PARD3B: variants seen among roughly 807,000 people sequenced by gnomAD.
PARD3B encodes par-3 family cell polarity regulator beta.
Under a neutral mutation model 130.2 loss-of-function variants are expected in PARD3B, and 103 were observed. That is an observed-to-expected ratio of 0.79 (90% CI 0.67 to 0.93). PARD3B has a LOEUF of 0.93. Among genes scored for constraint, PARD3B ranks in the 40% least tolerant of loss-of-function variants. The pLI is 0.00. For synonymous variants in PARD3B, 583 were observed against 553.2 expected, an observed-to-expected ratio of 1.05 and a Z score of -0.76; for missense variants, 1,609 against 1,499.2, an observed-to-expected ratio of 1.07 and a Z score of -1.21.
At chr2:205,448,054 A>G (rs2106185212) in intron 20 of PARD3B, among the ~76,000 whole-genome samples, 1 of 152,344 alleles carries the variant, frequency 6.6e-6, no homozygotes, top group African/African-American at 2.4e-5. Context: ...CACTGGCCTT[A>G]AGAAGGATGT....
At chr2:204,590,018 A>G (rs1419309035) in intron 1 of PARD3B, among the ~76,000 whole-genome samples, 1 of 152,200 alleles carries the variant, frequency 6.6e-6, no homozygotes, top group African/African-American at 2.4e-5. Context: ...TGAAATGGGA[A>G]GGATAATGGG....
intron 1 of PARD3B, among the ~76,000 whole-genome samples, chr2:204,681,675 C>A (rs537642455): frequency 6.6e-6 from 1 of 152,254 alleles, no homozygotes; most frequent in South Asian, 2.1e-4. Context: ...CCCTGCACTG[C>A]TCTGTGGCTG....
intron 19 of PARD3B, among the ~76,000 whole-genome samples, chr2:205,429,989 G>A (rs191363854): frequency 2.9e-4 from 44 of 152,190 alleles, no homozygotes; most frequent in African/African-American, 7.7e-4. Context: ...CTTCTCTTCC[G>A]TTTATGTCTT....
chr2:204,927,943 A>G (rs1176212014), intron 2 of PARD3B, among the ~76,000 whole-genome samples: 2 of 152,184 alleles, frequency 1.3e-5, no homozygotes, highest in Admixed American at 1.3e-4. Context: ...GCATCTATCA[A>G]TTATTACTAC....
intron 18 of PARD3B, among the ~76,000 whole-genome samples, chr2:205,304,175 A>G (rs1029452772): frequency 1.3e-5 from 2 of 152,186 alleles, no homozygotes; most frequent in Non-Finnish European, 2.9e-5. Flanking sequence ...CCTTCCCGTT[A>G]CATTTCCAGT....
At chr2:205,022,646 T>C (rs1342005376) in intron 3 of PARD3B, among the ~76,000 whole-genome samples, 1 of 152,226 alleles carries the variant, frequency 6.6e-6, no homozygotes, top group African/African-American at 2.4e-5. Context: ...CAGACCATGC[T>C]AACTTCAAGC....
chr2:205,163,427 T>C (rs1000081811), intron 11 of PARD3B, among the ~76,000 whole-genome samples: 1 of 152,216 alleles, frequency 6.6e-6, no homozygotes, highest in Non-Finnish European at 1.5e-5. Flanking sequence ...ATGTATGCAC[T>C]CAGAATATGA....
At chr2:205,401,731 T>G (rs1293831802) in intron 19 of PARD3B, among the ~76,000 whole-genome samples, 1 of 152,220 alleles carries the variant, frequency 6.6e-6, no homozygotes, top group Non-Finnish European at 1.5e-5. Context: ...CACGTATCTT[T>G]GATGTTAACT....
intron 18 of PARD3B, among the ~76,000 whole-genome samples, chr2:205,318,966 A>G (rs1207440): frequency 0.91 from 138,471 of 152,200 alleles, 63,182 homozygotes; most frequent in Admixed American, 0.94. Context: ...CAAGAACCAC[A>G]TCTTACCATT....
intron 4 of PARD3B, among the ~76,000 whole-genome samples, chr2:205,054,422 ATATATATATATATATTT>A (rs1168380367): frequency 2.7e-3 from 52 of 19,600 alleles, no homozygotes; most frequent in African/African-American, 9.1e-3. Context: ...ATATATATAT[ATATATATATATATATTT>A]TTTTTTTTTT....
intron 21 of PARD3B, among the ~76,000 whole-genome samples, chr2:205,502,273 G>T (rs181220850): frequency 6.6e-6 from 1 of 152,040 alleles, no homozygotes; most frequent in Admixed American, 6.6e-5. Flanking sequence ...CCTGTCAAGC[G>T]GCCAGACCCA....
chr2:205,184,743 A>G (rs1034759846), intron 13 of PARD3B, among the ~76,000 whole-genome samples: 4 of 151,894 alleles, frequency 2.6e-5, no homozygotes, highest in African/African-American at 9.7e-5. Flanking sequence ...CTCCATCTCA[A>G]AAATAATAAT....
At chr2:205,368,425 G>T (rs1216536242) in intron 18 of PARD3B, among the ~76,000 whole-genome samples, 1 of 152,114 alleles carries the variant, frequency 6.6e-6, no homozygotes. Flanking sequence ...TTGAGGCCAG[G>T]AGTTTAAGAC....
At chr2:205,037,601 A>G (rs537245684) in intron 3 of PARD3B, among the ~76,000 whole-genome samples, 221 of 148,260 alleles carry the variant, frequency 1.5e-3, no homozygotes, top group Non-Finnish European at 2.6e-3. Flanking sequence ...GACTATATAT[A>G]TTTTATATAT....
Position 205,176,636 on chromosome 2 carries a change from T to C in PARD3B, c.1924+59T>C. On this transcript the variant is annotated intron_variant, in intron 13 of 22. Coordinates refer to ENST00000406610, the MANE Select transcript of PARD3B (RefSeq NM_001302769.2). The surrounding 1 kb of genome is among the most constrained non-coding windows in gnomAD (Gnocchi z 5.3). ...GAGTGAGAAAACACAAAAGTGTCTT[T>C]TTATCTAAAAAAAAAAAAAAAGAGT... 7.1e-7 allele frequency: 1 copy of C among 1,416,014 alleles called. No individual in the cohort carries two copies. Among genetic ancestry groups the C allele is most frequent in the South Asian group, 1.4e-5 (1 of 69,826 alleles). 87.7% of individuals were successfully genotyped at this position (1,416,014 alleles called of 1,614,324 possible).
At chr2:205,418,043 G>A (rs2046840593) in intron 19 of PARD3B, among the ~76,000 whole-genome samples, 2 of 151,922 alleles carry the variant, frequency 1.3e-5, no homozygotes, top group Non-Finnish European at 2.9e-5. Flanking sequence ...TCATATGAAA[G>A]GTCACCTTTA....
At chr2:204,572,839 A>G (rs531322535) in intron 1 of PARD3B, among the ~76,000 whole-genome samples, 63 of 152,310 alleles carry the variant, frequency 4.1e-4, no homozygotes, top group African/African-American at 1.5e-3. Flanking sequence ...TGTAGTTCCT[A>G]CCCTCTTGTA....
intron 21 of PARD3B, among the ~76,000 whole-genome samples, chr2:205,535,592 G>A (rs1335707856): frequency 6.6e-6 from 1 of 152,052 alleles, no homozygotes; most frequent in African/African-American, 2.4e-5. Flanking sequence ...TGATGTAATG[G>A]GTCTCTTTAA....
At position 204,689,161 on chromosome 2, in the gene PARD3B, G is replaced by A. The variant is rs749044525; in HGVS notation, c.222+2879G>A. 1.1e-4 allele frequency among the ~76,000 whole-genome samples: 16 copies of A among 152,190 alleles called. No individual in the cohort carries two copies. The highest frequency in any genetic ancestry group is 2.1e-4 in the Non-Finnish European group (14 of 68,034). On this transcript the variant is annotated intron_variant, in intron 2 of 22. Transcript: ENST00000406610. This position sits in a 1 kb window ranked among gnomAD's most constrained non-coding sequence, Gnocchi z 5.2. ...TTAGAGAAGGCTCTAACAAAGTTCA[G>A]CCAGTGTTCTTAAGAAATGACTTTT...
Sources: allele counts gnomAD v4.1 joint callset (sites outside exome capture counted in the v4.1 genomes callset), GRCh38; gene constraint gnomAD v4.1.1; non-coding constraint Gnocchi (gnomAD v3.1); transcripts MANE v1.5; gene names NCBI Gene and HGNC (gene_info 2026-07-23, HGNC 2026-07-21).